TTC6: variants seen among roughly 807,000 people sequenced by gnomAD.
The protein encoded by TTC6 is tetratricopeptide repeat protein 6.
A neutral mutation model predicts 210.4 loss-of-function variants in TTC6; 172 were observed. That is an observed-to-expected ratio of 0.82 (90% CI 0.72 to 0.93). The LOEUF is 0.93. TTC6 is among the 40% of genes least tolerant of loss of function. TTC6 has a pLI of 0.00. For synonymous variants in TTC6, 804 were observed against 819.6 expected (o/e 0.98, Z 0.32); for missense variants, 2,414 against 2,318.1 (o/e 1.04, Z -0.85).
intron 20 of TTC6, among the ~76,000 whole-genome samples, chr14:37,797,883 C>A (rs1480451126): frequency 6.6e-6 from 1 of 151,962 alleles, no homozygotes; most frequent in East Asian, 1.9e-4. Context: ...TTAAATGTTT[C>A]AGTATCCTTT....
At chr14:37,739,769 T>G (rs1487252387) in intron 10 of TTC6, among the ~76,000 whole-genome samples, 2 of 152,014 alleles carry the variant, frequency 1.3e-5, no homozygotes, top group East Asian at 1.9e-4. Context: ...TTGAAGTGAT[T>G]TAGTAACAAA....
chr14:37,821,668 A>G (rs1320196958), intron 26 of TTC6, among the ~76,000 whole-genome samples: 1 of 151,896 alleles, frequency 6.6e-6, no homozygotes, highest in Non-Finnish European at 1.5e-5. Flanking sequence ...TTAAAAAAAT[A>G]CCGTATCACA....
At chr14:37,765,982 C>A (rs2095998057) in intron 14 of TTC6, among the ~76,000 whole-genome samples, 1 of 152,058 alleles carries the variant, frequency 6.6e-6, no homozygotes, top group African/African-American at 2.4e-5. Flanking sequence ...ACACCATCCC[C>A]CAAGATTTTC....
chr14:37,777,904 C>G lies in TTC6; in HGVS notation c.3267-9564C>G, dbSNP rs78963000. On this transcript the variant is annotated intron_variant, in intron 14 of 30. Coordinates refer to ENST00000553443, the Ensembl canonical transcript of TTC6. ...GGGCCTAAGTCTTAGCTCAGCACTC[C>G]TGGGCTGCATGTTCTAACTCTGGGG... is the stretch of plus-strand genomic sequence containing the variant. Among the ~76,000 whole-genome samples the G allele has an allele frequency of 3.5e-3, 538 of 152,010 alleles. 5 individuals carry two copies. The highest frequency in any genetic ancestry group is 0.012 in the African/African-American group (505 of 41,436).
intron 26 of TTC6, among the ~76,000 whole-genome samples, chr14:37,820,914 C>CCTTCTCCTCCTTCTTCTCCTCCTCCTT (rs1566973719): frequency 4.0e-5 from 6 of 150,496 alleles, no homozygotes; most frequent in Non-Finnish European, 5.9e-5. Flanking sequence ...TTCTCCTCCT[C>CCTTCTCCTCCTTCTTCTCCTCCTCCTT]CTTCTCCTCC....
At chr14:37,697,904 CAG>C (rs1566895398) in intron 4 of TTC6, among the ~76,000 whole-genome samples, 2 of 152,014 alleles carry the variant, frequency 1.3e-5, no homozygotes, top group South Asian at 2.1e-4. Flanking sequence ...TGGCCACACA[CAG>C]AGTCAGAGTC....
Position 37,812,009 on chromosome 14 carries a change from T to C in TTC6, c.4570-305T>C, listed in dbSNP as rs932305170. 5.3e-5 allele frequency among the ~76,000 whole-genome samples: 8 copies of C among 152,250 alleles called. No individual in the cohort carries two copies. In the South Asian group the frequency reaches 1.0e-3, roughly 20 times the overall value. ...ACAGTCATTTGATGAAACTACCCAG[T>C]AGAGGCAGAATGCTAAGTCCCTCCC... On this transcript the variant is annotated intron_variant, in intron 24 of 30. Coordinates refer to ENST00000553443, the Ensembl canonical transcript of TTC6.
intron 29 of TTC6, among the ~76,000 whole-genome samples, chr14:37,830,194 T>C (rs2096181439): frequency 6.6e-6 from 1 of 152,136 alleles, no homozygotes; most frequent in Non-Finnish European, 1.5e-5. Flanking sequence ...TGGTGGTATA[T>C]GTTGGTGTCA....
intron 1 of TTC6, among the ~76,000 whole-genome samples, chr14:37,623,579 G>T (rs2095655265): frequency 6.6e-6 from 1 of 152,164 alleles, no homozygotes; most frequent in Non-Finnish European, 1.5e-5. Flanking sequence ...CACTTTACAT[G>T]CATTTTTGTC....
At chr14:37,809,247 A>ATTT (rs3062846) in intron 24 of TTC6, among the ~76,000 whole-genome samples, 3 of 102,620 alleles carry the variant, frequency 2.9e-5, no homozygotes, top group East Asian at 2.8e-4. Flanking sequence ...CATATGCAGA[A>ATTT]TTTTTTTTTT....
exon 17 of TTC6, chr14:37,792,394 C>G (rs751919428): frequency 3.3e-6 from 5 of 1,508,852 alleles, no homozygotes; most frequent in Non-Finnish European, 4.4e-6. Context: ...CTATCTTTGT[C>G]GGGCGGAAAC....
chr14:37,697,706 A>G (rs2138659482), intron 4 of TTC6, among the ~76,000 whole-genome samples: 1 of 152,318 alleles, frequency 6.6e-6, no homozygotes, highest in Admixed American at 6.5e-5. Context: ...CCCTGTACAT[A>G]CCATTGCTTA....
At chr14:37,654,947 C>A (rs1264286008) in intron 1 of TTC6, among the ~76,000 whole-genome samples, 1 of 152,160 alleles carries the variant, frequency 6.6e-6, no homozygotes, top group Non-Finnish European at 1.5e-5. Context: ...ATTATACTTT[C>A]CTGTTTATCA....
chr14:37,668,062 G>A (rs919581796), intron 1 of TTC6, among the ~76,000 whole-genome samples: 5 of 149,950 alleles, frequency 3.3e-5, no homozygotes, highest in African/African-American at 1.2e-4. Context: ...TTGAATCTGG[G>A]AGGTAGAGGT....
chr14:37,827,317 C>T (rs1360332972), exon 29 of TTC6: 1 of 1,613,228 alleles, frequency 6.2e-7, no homozygotes, highest in Admixed American at 1.7e-5. Context: ...TACTCGCTGG[C>T]TTACTTTAAT....
intron 16 of TTC6, among the ~76,000 whole-genome samples, chr14:37,791,767 C>T (rs1212673460): frequency 6.6e-6 from 1 of 152,108 alleles, no homozygotes; most frequent in Non-Finnish European, 1.5e-5. Flanking sequence ...GGTTATTTCT[C>T]TACTGAAAAT....
intron 20 of TTC6, 150 bp downstream of exon 22, chr14:37,797,097 TGCCCC>T: frequency 1.4e-6 from 1 of 729,114 alleles, no homozygotes. Context: ...CTCTTTTTTG[TGCCCC>T]CTCTTAAGAA....
At position 37,757,682 on chromosome 14, in the gene TTC6, C is replaced by T. The variant is rs571282242; in HGVS notation, c.3266+4447C>T. On this transcript the variant is annotated intron_variant, in intron 14 of 30. Transcript: ENST00000553443. ...TGAAGGGTTTTTCATGTCTCTACCTCCTTCAGTTCTGCTCTGATCTTTTTT... is the reference window on the plus strand; with the variant it reads ...TGAAGGGTTTTTCATGTCTCTACCTTCTTCAGTTCTGCTCTGATCTTTTTT... 3.3e-5 allele frequency among the ~76,000 whole-genome samples: 5 copies of T among 152,288 alleles called. No individual in the cohort carries two copies. The East Asian group carries it at 9.6e-4, about 29-fold the overall frequency.
At chr14:37,808,656 A>G (rs2096123487) in intron 23 of TTC6, 77 bp from the exon 26 acceptor site, 8 of 766,350 alleles carry the variant, frequency 1.0e-5, no homozygotes, top group Non-Finnish European at 1.7e-5. Flanking sequence ...CTCTGATAGA[A>G]ACAAGAATTT....
Sources: allele counts gnomAD v4.1 joint callset (sites outside exome capture counted in the v4.1 genomes callset), GRCh38; gene constraint gnomAD v4.1.1; transcripts MANE v1.5; gene names NCBI Gene and HGNC (gene_info 2026-07-23, HGNC 2026-07-21).